Variants in GRB10 observed in about 807,000 individuals in gnomAD.
GRB10 encodes the protein growth factor receptor-bound protein 10.
A neutral mutation model predicts 80.9 loss-of-function variants in GRB10; 20 were observed. The observed-to-expected ratio is 0.25, with a 90% CI of 0.17 to 0.36. The LOEUF is 0.36. Among genes scored for constraint, GRB10 ranks in the 10% least tolerant of loss-of-function variants. GRB10 has a pLI of 1.00. For missense variants in GRB10, 548 were observed against 747.7 expected, an observed-to-expected ratio of 0.73 and a Z score of 3.12; for synonymous variants, 291 against 291.5, an observed-to-expected ratio of 1.00 and a Z score of 0.02.
At chr7:50,791,111 G>C (rs1390777529) in intron 1 of GRB10, among the ~76,000 whole-genome samples, 2 of 152,198 alleles carry the variant, frequency 1.3e-5, no homozygotes, top group African/African-American at 4.8e-5. Context: ...GTGGGCCAAC[G>C]CTGCCCCAAA....
intron 5 of GRB10, among the ~76,000 whole-genome samples, chr7:50,681,821 C>A (rs565895665): frequency 1.8e-4 from 28 of 152,328 alleles, no homozygotes; most frequent in African/African-American, 5.1e-4. Context: ...TGAGGTGTAA[C>A]TTCCCCTTTT....
chr7:50,613,808 C>T (rs564782801), intron 12 of GRB10, among the ~76,000 whole-genome samples: 4 of 152,250 alleles, frequency 2.6e-5, no homozygotes, highest in Non-Finnish European at 5.9e-5. Flanking sequence ...ATTCCCTGAG[C>T]AAGGTATGAG....
intron 5 of GRB10, among the ~76,000 whole-genome samples, chr7:50,698,900 T>G (rs905726269): frequency 1.3e-5 from 2 of 152,270 alleles, no homozygotes; most frequent in Non-Finnish European, 2.9e-5. Flanking sequence ...ATGTGACATC[T>G]GCACTATATT....
At chr7:50,676,843 C>T (rs1214046135) in intron 5 of GRB10, among the ~76,000 whole-genome samples, 1 of 152,058 alleles carries the variant, frequency 6.6e-6, no homozygotes, top group Non-Finnish European at 1.5e-5. Flanking sequence ...CAGGGTTTAG[C>T]CAGATCACGC....
chr7:50,612,876 C>G (rs1015883447), intron 12 of GRB10, 37 bp from the exon 13 acceptor site: 10 of 1,405,014 alleles, frequency 7.1e-6, no homozygotes, highest in Non-Finnish European at 1.0e-5. Flanking sequence ...TAGTGTTACA[C>G]AGGGAGTCAG....
chr7:50,732,203 G>A lies in GRB10; in HGVS notation c.51+69C>T, dbSNP rs576609813. 3.6e-5 allele frequency: 54 copies of A among 1,485,950 alleles called. No homozygotes were observed. In the African/African-American group the frequency reaches 5.4e-4, roughly 15 times the overall value. 92.0% of individuals were successfully genotyped at this position (1,485,950 alleles called of 1,614,324 possible). On this transcript the variant is annotated intron_variant, in intron 4 of 18. Coordinates refer to ENST00000401949, the MANE Select transcript of GRB10 (RefSeq NM_001350814.2). ...CTACAGAAACGATCCATGGCTGCTGGCGACATGTGTGCCCTGGCCCTCGAC... is the reference window on the plus strand; with the variant it reads ...CTACAGAAACGATCCATGGCTGCTGACGACATGTGTGCCCTGGCCCTCGAC...
At chr7:50,739,781 C>G (rs2071409429) in intron 3 of GRB10, among the ~76,000 whole-genome samples, 2 of 152,196 alleles carry the variant, frequency 1.3e-5, no homozygotes, top group Admixed American at 6.5e-5. Context: ...CCATGCCTGC[C>G]CCTTCACATC....
intron 2 of GRB10, among the ~76,000 whole-genome samples, chr7:50,769,151 A>C (rs1157751642): frequency 1.3e-5 from 2 of 151,564 alleles, no homozygotes; most frequent in Admixed American, 1.3e-4. Flanking sequence ...AACTTCCTTC[A>C]CTCCATCAAA....
chr7:50,660,385 G>A (rs905697914), intron 7 of GRB10, among the ~76,000 whole-genome samples: 6 of 152,192 alleles, frequency 3.9e-5, no homozygotes, highest in Middle Eastern at 3.2e-3. Flanking sequence ...GAAGTGGGGT[G>A]GAGTGGACGT....
intron 8 of GRB10, among the ~76,000 whole-genome samples, chr7:50,624,210 G>A (rs2052444636): frequency 6.6e-6 from 1 of 152,184 alleles, no homozygotes; most frequent in Non-Finnish European, 1.5e-5. Flanking sequence ...GAGAATACCT[G>A]ACATATAATT....
rs568361810 is a variant in GRB10, at chr7:50,771,208, T to C, written c.-217+9419A>G. On this transcript the variant is annotated intron_variant, in intron 2 of 18. Coordinates refer to ENST00000401949, the MANE Select transcript of GRB10 (RefSeq NM_001350814.2). ...TGAGACCTGGCCACACAAATGAACA[T>C]CACTGGCCAGAAACCATGTGCTACT... 2.0e-5 allele frequency among the ~76,000 whole-genome samples: 3 copies of C among 152,290 alleles called. No homozygotes were observed. In the East Asian group the frequency reaches 5.8e-4, roughly 29 times the overall value.
intron 3 of GRB10, among the ~76,000 whole-genome samples, chr7:50,755,075 C>T (rs140416423): frequency 6.6e-6 from 1 of 152,320 alleles, no homozygotes; most frequent in East Asian, 1.9e-4. Context: ...GCCTCCAGAA[C>T]TATAAGAAAA....
chr7:50,657,095 A>G (rs1161274486), intron 7 of GRB10, among the ~76,000 whole-genome samples: 1 of 152,226 alleles, frequency 6.6e-6, no homozygotes, highest in Non-Finnish European at 1.5e-5. Context: ...TTTTTTAGGA[A>G]GACCACACTA....
intron 3 of GRB10, among the ~76,000 whole-genome samples, chr7:50,743,443 A>G (rs2072263448): frequency 6.6e-6 from 1 of 152,256 alleles, no homozygotes; most frequent in African/African-American, 2.4e-5. Context: ...CAGATCACGC[A>G]GTGCTGCGAA....
chr7:50,635,419 A>G (rs1267064128), intron 7 of GRB10, among the ~76,000 whole-genome samples: 1 of 152,148 alleles, frequency 6.6e-6, no homozygotes, highest in Non-Finnish European at 1.5e-5. Flanking sequence ...TCTATATCAA[A>G]AAGACAGAAA....
intron 7 of GRB10, among the ~76,000 whole-genome samples, chr7:50,638,926 T>C (rs73344864): frequency 0.033 from 5,072 of 152,338 alleles, 263 homozygotes; most frequent in African/African-American, 0.11. Context: ...AATGAAATCA[T>C]GTCTTCTGCA....
intron 5 of GRB10, among the ~76,000 whole-genome samples, chr7:50,676,229 C>G (rs775461742): frequency 2.6e-5 from 4 of 151,694 alleles, no homozygotes; most frequent in East Asian, 3.9e-4. Context: ...ACTTGCTCAC[C>G]CTGCCCTGCT....
At chr7:50,762,512 G>A (rs2075874032) in intron 2 of GRB10, among the ~76,000 whole-genome samples, 1 of 151,978 alleles carries the variant, frequency 6.6e-6, no homozygotes, top group Admixed American at 6.6e-5. Context: ...TACAGATACA[G>A]GAACAGACAT....
chr7:50,752,417 A>G (rs1477848107), intron 3 of GRB10, among the ~76,000 whole-genome samples: 1 of 152,230 alleles, frequency 6.6e-6, no homozygotes, highest in Non-Finnish European at 1.5e-5. Flanking sequence ...GCACAACTGT[A>G]GAAGTTTCCT....
Sources: allele counts gnomAD v4.1 joint callset (sites outside exome capture counted in the v4.1 genomes callset), GRCh38; gene constraint gnomAD v4.1.1; transcripts MANE v1.5; gene names NCBI Gene and HGNC (gene_info 2026-07-23, HGNC 2026-07-21).